Variants in MAP4K4 observed in about 807,000 individuals in gnomAD.
MAP4K4 encodes the protein mitogen-activated protein kinase kinase kinase kinase 4.
MAP4K4 carries 38 observed loss-of-function variants against 189.6 expected under a neutral mutation model. The observed-to-expected ratio is 0.20, with a 90% CI of 0.15 to 0.26. The LOEUF is 0.26. Among genes scored for constraint, MAP4K4 ranks in the 10% least tolerant of loss-of-function variants. The pLI is 1.00. For missense variants in MAP4K4, 1,054 were observed against 1,726.9 expected, an observed-to-expected ratio of 0.61 and a Z score of 6.91; for synonymous variants, 610 against 624.3, an observed-to-expected ratio of 0.98 and a Z score of 0.34.
rs1139583 is a variant in MAP4K4, at chr2:101,855,997, A to G, written c.1254A>G (p.Glu418=). The change falls in exon 13 of 33, where the codon GAA becomes GAG. Residue 418 remains glutamate (E), a synonymous_variant. Transcript: ENST00000324219. ...CGTAGCAACAAAGGAGAGAGCGGGA[A>G]GCTAGAAGGCAGCAGGAACGTGAAC... 0.16 allele frequency: 250,803 copies of G among 1,549,936 alleles called. 21,182 individuals carry two copies. The highest frequency in any genetic ancestry group is 0.22 in the Middle Eastern group (1,332 of 5,972).
chr2:101,751,487 G>C (rs754103324), intron 2 of MAP4K4, among the ~76,000 whole-genome samples: 8 of 152,190 alleles, frequency 5.3e-5, no homozygotes, highest in Non-Finnish European at 1.0e-4. Flanking sequence ...TCAGACAAAA[G>C]GCCAGAGGGG....
intron 2 of MAP4K4, among the ~76,000 whole-genome samples, chr2:101,762,066 A>C (rs1348218308): frequency 6.6e-6 from 1 of 152,136 alleles, no homozygotes; most frequent in Admixed American, 6.5e-5. Context: ...GAAAAAATAG[A>C]ACCGGGAGTC....
At chr2:101,823,051 A>G (rs1295542711) in intron 3 of MAP4K4, among the ~76,000 whole-genome samples, 1 of 152,208 alleles carries the variant, frequency 6.6e-6, no homozygotes, top group Non-Finnish European at 1.5e-5. Context: ...TCATGTATAT[A>G]TAACAAGGAA....
chr2:101,777,394 A>G (rs1436879644), intron 2 of MAP4K4, among the ~76,000 whole-genome samples: 1 of 152,178 alleles, frequency 6.6e-6, no homozygotes, highest in Admixed American at 6.5e-5. Context: ...GAGCAGAGCC[A>G]CCACATTACC....
At chr2:101,804,999 A>C (rs1010251229) in intron 3 of MAP4K4, among the ~76,000 whole-genome samples, 4 of 148,308 alleles carry the variant, frequency 2.7e-5, no homozygotes, top group African/African-American at 1.0e-4. Flanking sequence ...GCTCGAACCC[A>C]GGAGGCGGAG....
At chr2:101,723,693 C>A (rs1247813282) in intron 2 of MAP4K4, among the ~76,000 whole-genome samples, 1 of 152,128 alleles carries the variant, frequency 6.6e-6, no homozygotes, top group African/African-American at 2.4e-5. Context: ...TTTTTAAGTA[C>A]TTTTTGTTGC....
In MAP4K4 at chr2:101,871,766, C is replaced by T. The variant is rs2098032517; in HGVS notation, c.2952+81C>T. The stretch of plus-strand genomic sequence containing the variant: ...GAGTTAGTTTGCAAAGGAGACCTTT[C>T]CAACACCCTCACCCCTTCCCTTCCC... On this transcript the variant is annotated intron_variant, in intron 24 of 32. Transcript: ENST00000324219. 6.2e-6 allele frequency: 8 copies of T among 1,283,686 alleles called. No individual in the cohort carries two copies. The South Asian group carries it at 1.0e-4, about 16-fold the overall frequency. The allele number at this position is 1,283,686 out of a possible 1,614,324, so 79.5% of individuals were successfully genotyped here.
rs151338917 is a variant in MAP4K4, at chr2:101,706,131, C to A, written c.123+7593C>A. On this transcript the variant is annotated intron_variant, in intron 2 of 32. Coordinates refer to ENST00000324219, the Ensembl canonical transcript of MAP4K4. ...AAGCGCTCATACCAAAAGTCAGAGT[C>A]ATCCTGTTCTCCAGAAGCATGTTTT... is the stretch of plus-strand genomic sequence containing the variant. 4.7e-3 allele frequency among the ~76,000 whole-genome samples: 719 copies of A among 152,222 alleles called. 7 individuals are homozygous for A. Among genetic ancestry groups the A allele is most frequent in the African/African-American group, 0.017 (685 of 41,506 alleles).
intron 26 of MAP4K4, among the ~76,000 whole-genome samples, chr2:101,874,894 G>C (rs1049133187): frequency 1.3e-5 from 2 of 152,190 alleles, no homozygotes; most frequent in Non-Finnish European, 2.9e-5. Flanking sequence ...AGAGTCTTCA[G>C]CTTTATCTTG....
At chr2:101,769,160 GT>G (rs2080108918) in intron 2 of MAP4K4, among the ~76,000 whole-genome samples, 2 of 152,180 alleles carry the variant, frequency 1.3e-5, no homozygotes, top group South Asian at 4.1e-4. Context: ...GTTTCGTTAA[GT>G]GACTTGGCTT....
At chr2:101,804,713 A>C (rs2094737937) in intron 3 of MAP4K4, among the ~76,000 whole-genome samples, 1 of 152,140 alleles carries the variant, frequency 6.6e-6, no homozygotes, top group Non-Finnish European at 1.5e-5. Context: ...AGCTGCGTTT[A>C]CTTGCCTTTG....
intron 2 of MAP4K4, among the ~76,000 whole-genome samples, chr2:101,754,068 C>CT (rs773057285): frequency 2.0e-5 from 3 of 152,074 alleles, no homozygotes; most frequent in Admixed American, 6.6e-5. Flanking sequence ...ACTGCAAAGG[C>CT]TCAATCAAAT....
chr2:101,775,521 A>G (rs187494388), intron 2 of MAP4K4, among the ~76,000 whole-genome samples: 6 of 152,188 alleles, frequency 3.9e-5, no homozygotes, highest in Admixed American at 1.3e-4. Flanking sequence ...TATGTTTGTC[A>G]TATAACACCT....
At chr2:101,770,939 G>T (rs1367934156) in intron 2 of MAP4K4, among the ~76,000 whole-genome samples, 1 of 152,208 alleles carries the variant, frequency 6.6e-6, no homozygotes, top group Non-Finnish European at 1.5e-5. Context: ...CGAGTGTCCT[G>T]TCTACCAGCT....
At chr2:101,856,065 TGGAGAGAAGGCGCAAAGAAGAAGA>T in exon 13 of MAP4K4, 3 of 1,551,298 alleles carry the variant, frequency 1.9e-6, no homozygotes, top group Non-Finnish European at 2.6e-6. Context: ...CTAGAGGAGT[TGGAGAGAAGGCGCAAAGAAGAAGA>T]GGAGAGGAGA....
In MAP4K4 at chr2:101,790,711, G is replaced by A. The variant is rs1327385410; in HGVS notation, c.124-9G>A. 1.9e-6 allele frequency: 3 copies of A among 1,604,170 alleles called. No individual in the cohort carries two copies. In the South Asian group the frequency reaches 3.4e-5, roughly 18 times the overall value. Reference sequence around the variant, plus strand: ...TGCTGATTTTTGATCTATTTTTTCTGTTTTTCAGGGTCGACATGTTAAAAC... The same window carrying A: ...TGCTGATTTTTGATCTATTTTTTCTATTTTTCAGGGTCGACATGTTAAAAC... On this transcript the variant is annotated splice_polypyrimidine_tract_variant and intron_variant, in intron 2 of 32. Coordinates refer to ENST00000324219, the Ensembl canonical transcript of MAP4K4.
At position 101,697,857 on chromosome 2, in the gene MAP4K4, G is replaced by C. The variant is rs558440135; in HGVS notation, c.-224G>C. On this transcript the variant is annotated 5_prime_UTR_variant, in exon 1 of 33. Transcript: ENST00000324219. ...CGCCATGGTGTGAGCGCCGCCGCCC[G>C]TGCACGCTCCGTCCGCCCTCCGCGC... 360 of 145,590 alleles carry C rather than the reference G, an allele frequency of 2.5e-3. 1 individual carries two copies. The highest frequency in any genetic ancestry group is 2.2e-3 in the Non-Finnish European group (145 of 65,772). 9.0% of individuals were successfully genotyped at this position (145,590 alleles called of 1,614,324 possible). A position where few individuals can be genotyped will look rare whatever the true frequency, so the allele number is the denominator to read the frequency against.
chr2:101,699,012 C>T (rs2036504515), intron 2 of MAP4K4, among the ~76,000 whole-genome samples: 1 of 152,120 alleles, frequency 6.6e-6, no homozygotes, highest in African/African-American at 2.4e-5. Context: ...TTGGCGTTAC[C>T]TGGGAATACT....
At chr2:101,861,932 G>C (rs1461127998) in intron 16 of MAP4K4, 1 of 128,842 alleles carries the variant, frequency 7.8e-6, no homozygotes, top group Non-Finnish European at 1.7e-5. Flanking sequence ...GCATGGAGGA[G>C]TTAAAAAAAA....
Sources: gnomAD v4.1 joint callset for allele counts (sites outside exome capture counted in the v4.1 genomes callset) on GRCh38, gnomAD v4.1.1 for gene constraint, MANE v1.5 for transcripts, NCBI Gene and HGNC (gene_info 2026-07-23, HGNC 2026-07-21) for gene names.